The following HDAC9 variants were observed in gnomAD, a reference collection of about 807,000 sequenced individuals.
HDAC9 encodes MEF-2 interacting transcription repressor (MITR) protein.
In HDAC9, 41 loss-of-function variants were observed where a neutral mutation model predicts 139.4. The observed-to-expected ratio is 0.29, with a 90% confidence interval of 0.23 to 0.38. The LOEUF is 0.38. Among genes scored for constraint, HDAC9 ranks in the 10% least tolerant of loss-of-function variants. The pLI, the probability that HDAC9 is intolerant of heterozygous loss-of-function variation, is 1.00. For missense variants in HDAC9, 1,147 were observed against 1,297.0 expected (o/e 0.88, Z 1.78); for synonymous variants, 517 against 476.2 (o/e 1.09, Z -1.12).
intron 2 of HDAC9, among the ~76,000 whole-genome samples, chr7:18,195,281 A>G (rs1354829851): frequency 6.6e-6 from 1 of 152,172 alleles, no homozygotes; most frequent in East Asian, 1.9e-4. Context: ...TCAAGAATTT[A>G]TCAGATTTTA....
intron 6 of HDAC9, among the ~76,000 whole-genome samples, chr7:18,597,245 A>G (rs1382197725): frequency 6.6e-6 from 1 of 152,150 alleles, no homozygotes; most frequent in African/African-American, 2.4e-5. Context: ...TCACAACAAC[A>G]TCAAAGGCTT....
At chr7:18,395,834 T>A (rs1786977943) in intron 1 of HDAC9, among the ~76,000 whole-genome samples, 1 of 152,164 alleles carries the variant, frequency 6.6e-6, no homozygotes, top group African/African-American at 2.4e-5. Flanking sequence ...CTGTAGAATT[T>A]CATGTTGATA....
chr7:18,955,863 G>C (rs1396412469), intron 24 of HDAC9, among the ~76,000 whole-genome samples: 1 of 152,146 alleles, frequency 6.6e-6, no homozygotes, highest in African/African-American at 2.4e-5. Flanking sequence ...ACTGAAGAAA[G>C]AGTGAAAATG....
intron 12 of HDAC9, among the ~76,000 whole-genome samples, chr7:18,679,534 T>A (rs180828121): frequency 2.6e-5 from 4 of 151,570 alleles, no homozygotes; most frequent in Admixed American, 2.6e-4. Context: ...CTTTCTTCCT[T>A]TCTTCCTTTC....
At chr7:18,943,566 CAT>C (rs1782167198) in intron 23 of HDAC9, among the ~76,000 whole-genome samples, 1 of 152,086 alleles carries the variant, frequency 6.6e-6, no homozygotes, top group African/African-American at 2.4e-5. Context: ...GGCATCTTCT[CAT>C]AGTCTTCCTC....
chr7:18,401,690 CA>C (rs540680774), intron 1 of HDAC9, among the ~76,000 whole-genome samples: 4 of 152,118 alleles, frequency 2.6e-5, no homozygotes, highest in South Asian at 2.1e-4. Context: ...CATGAGCTTT[CA>C]AAAAAACCCA....
chr7:18,199,149 T>C (rs1023604842), intron 2 of HDAC9, among the ~76,000 whole-genome samples: 4 of 152,180 alleles, frequency 2.6e-5, no homozygotes, highest in Non-Finnish European at 5.9e-5. Context: ...CAACTAACAG[T>C]TAAGAGTTTT....
intron 12 of HDAC9, among the ~76,000 whole-genome samples, chr7:18,700,923 G>A (rs1783423402): frequency 6.6e-6 from 1 of 152,068 alleles, no homozygotes; most frequent in South Asian, 2.1e-4. Context: ...CCAAGCTCAG[G>A]GTTATCATGG....
At chr7:18,221,705 C>G (rs1446245145) in intron 2 of HDAC9, among the ~76,000 whole-genome samples, 3 of 152,070 alleles carry the variant, frequency 2.0e-5, no homozygotes, top group Non-Finnish European at 2.9e-5. Context: ...AAACTAAGAA[C>G]AGCAATGTTA....
intron 3 of HDAC9, among the ~76,000 whole-genome samples, chr7:18,589,311 AG>A (rs1269922511): frequency 1.3e-5 from 2 of 152,154 alleles, no homozygotes; most frequent in African/African-American, 4.8e-5. Flanking sequence ...GCATCACTTG[AG>A]GCCAGGAGTT....
intron 12 of HDAC9, among the ~76,000 whole-genome samples, chr7:18,671,906 A>C (rs559373615): frequency 2.6e-5 from 4 of 151,946 alleles, no homozygotes; most frequent in Middle Eastern, 3.2e-3. Flanking sequence ...ATTCCTTCTT[A>C]TGGCTGAGTA....
intron 11 of HDAC9, among the ~76,000 whole-genome samples, chr7:18,660,318 C>G (rs1792711398): frequency 6.6e-6 from 1 of 152,106 alleles, no homozygotes; most frequent in South Asian, 2.1e-4. Flanking sequence ...CACCGGATGT[C>G]CCATTTGTCT....
chr7:18,586,438 T>A lies in HDAC9; in HGVS notation c.264+916T>A, dbSNP rs553144432. Among the ~76,000 whole-genome samples the A allele has an allele frequency of 2.6e-5, 4 of 152,166 alleles. No individual in the cohort carries two copies. The East Asian group carries it at 5.8e-4, about 22-fold the overall frequency. On this transcript the variant is annotated intron_variant, in intron 3 of 25. Transcript: ENST00000686413. ...TCAAAGATGACAAACACTTGCTAAT[T>A]TGTGAATGTAATAAATTATGTTATC...
intron 17 of HDAC9, among the ~76,000 whole-genome samples, chr7:18,801,801 T>A (rs912350619): frequency 1.3e-5 from 2 of 151,950 alleles, no homozygotes; most frequent in Non-Finnish European, 2.9e-5. Flanking sequence ...AATTTAGGAG[T>A]GTTGTATTTT....
At chr7:18,954,264 C>T in intron 24 of HDAC9, 34 bp downstream of exon 24, 1 of 1,233,704 alleles carries the variant, frequency 8.1e-7, no homozygotes, top group Non-Finnish European at 1.2e-6. Flanking sequence ...AAATTCTAAG[C>T]AGGTAAAACT....
At chr7:18,878,609 G>T (rs576600184) in intron 22 of HDAC9, among the ~76,000 whole-genome samples, 2 of 151,986 alleles carry the variant, frequency 1.3e-5, no homozygotes, top group Non-Finnish European at 2.9e-5. Context: ...AAAATTCAAC[G>T]CCCCTTCTTG....
At chr7:18,355,900 A>G (rs1420627887) in intron 1 of HDAC9, among the ~76,000 whole-genome samples, 1 of 152,134 alleles carries the variant, frequency 6.6e-6, no homozygotes, top group Non-Finnish European at 1.5e-5. Flanking sequence ...CGTGATTTCC[A>G]AGGGCTGGGG....
chr7:18,459,770 A>C (rs980493337), intron 1 of HDAC9, among the ~76,000 whole-genome samples: 23 of 152,108 alleles, frequency 1.5e-4, no homozygotes, highest in Middle Eastern at 3.2e-3. Context: ...AGTGAAAGGA[A>C]ATTCCCTTTT....
chr7:18,704,079 A>G (rs1178107), intron 12 of HDAC9, among the ~76,000 whole-genome samples: 29,171 of 152,178 alleles, frequency 0.19, 2,872 homozygotes, highest in South Asian at 0.28. Flanking sequence ...CTCTGCTACT[A>G]CCATGTAACT....
Sources: allele counts gnomAD v4.1 joint callset (sites outside exome capture counted in the v4.1 genomes callset), GRCh38; gene constraint gnomAD v4.1.1; transcripts MANE v1.5; gene names NCBI Gene and HGNC (gene_info 2026-07-23, HGNC 2026-07-21).